Variants in ZNF469 observed in about 807,000 individuals in gnomAD.
ZNF469 encodes zinc finger protein 469.
A neutral mutation model predicts 1.0 loss-of-function variants in ZNF469; 1 was observed. The observed-to-expected ratio is 1.00, with a 90% CI of 0.35 to 4.73. The LOEUF is 4.73. Among genes scored for constraint, ZNF469 ranks in the 30% most tolerant of loss-of-function variants. ZNF469 has a pLI of 0.16. For synonymous variants in ZNF469, 2,703 were observed against 2,363.4 expected (o/e 1.14, Z -4.17); for missense variants, 6,100 against 5,356.3 (o/e 1.14, Z -4.33).
At chr16:88,156,746 TG>T in the ZNF469 span, among the ~76,000 whole-genome samples, 1 of 151,928 alleles carries the variant, frequency 6.6e-6, no homozygotes, top group South Asian at 2.1e-4. Context: ...TGGAGGGACT[TG>T]AGGTGCTGCT....
At chr16:88,355,869 G>A in the ZNF469 span, among the ~76,000 whole-genome samples, 1 of 152,186 alleles carries the variant, frequency 6.6e-6, no homozygotes, top group Non-Finnish European at 1.5e-5. Flanking sequence ...ACTTTGGGGT[G>A]CAGACATGCC....
Position 88,430,294 on chromosome 16 carries a change from G to C in ZNF469, c.2824G>C (p.Gly942Arg). The change falls in exon 3 of 3, where the codon GGC becomes CGC. Residue 942 changes from glycine (G) to arginine (R), a missense_variant. Coordinates refer to ENST00000565624, the MANE Select transcript of ZNF469 (RefSeq NM_001367624.2). ...APTEADAPSQ[G>R]RQQRRGKQLK... is the part of the protein sequence containing the mutation. ...CACCGAGGCGGATGCGCCCAGCCAG[G>C]GCAGGCAGCAGAGGAGGGGGAAGCA... 1 of 1,515,008 alleles carries C rather than the reference G, an allele frequency of 6.6e-7. No homozygotes were observed. Among genetic ancestry groups the C allele is most frequent in the Non-Finnish European group, 8.8e-7 (1 of 1,134,086 alleles). The allele number at this position is 1,515,008 out of a possible 1,614,324, so 93.8% of individuals were successfully genotyped here. A position where few individuals can be genotyped will look rare whatever the true frequency, so the allele number is the denominator to read the frequency against.
the ZNF469 span, among the ~76,000 whole-genome samples, chr16:88,264,752 G>T: frequency 3.0e-3 from 458 of 152,110 alleles, 29 homozygotes; most frequent in South Asian, 0.087. Flanking sequence ...GTCCAGTCCT[G>T]CTCGTCCCAC....
At chr16:88,239,644 C>A in the ZNF469 span, among the ~76,000 whole-genome samples, 2 of 107,536 alleles carry the variant, frequency 1.9e-5, no homozygotes, top group South Asian at 6.8e-4. Flanking sequence ...CCTGCCACCA[C>A]GCCCGGCTTA....
chr16:88,238,865 A>G, the ZNF469 span, among the ~76,000 whole-genome samples: 3,651 of 152,324 alleles, frequency 0.024, 70 homozygotes, highest in Non-Finnish European at 0.04. Flanking sequence ...TGCATACAGA[A>G]CATGCTTCTG....
the ZNF469 span, among the ~76,000 whole-genome samples, chr16:88,338,900 G>T: frequency 1.3e-5 from 2 of 152,128 alleles, no homozygotes; most frequent in Non-Finnish European, 2.9e-5. Flanking sequence ...CAACGCCTTG[G>T]TTTCAGGCTT....
chr16:88,127,231 G>A, the ZNF469 span, among the ~76,000 whole-genome samples: 123,766 of 151,698 alleles, frequency 0.82, 51,153 homozygotes, highest in Middle Eastern at 0.91. Flanking sequence ...AGCGTTGTCC[G>A]CGTCACAGGC....
In ZNF469 at chr16:88,438,593, C is replaced by T; in HGVS notation, c.11123C>T (p.Pro3708Leu). The T allele has an allele frequency of 6.5e-7, 1 of 1,550,042 alleles. No individual in the cohort carries two copies. The highest frequency in any genetic ancestry group is 1.2e-5 in the South Asian group (1 of 84,052). ...AGGAAGGCGGTGGGGAGCCTGGCAC[C>T]CGGGGAGCTGGCCCGTGGCACAGAG... ...HPRKAVGSLA[P>L]GELARGTENG... is the part of the protein sequence containing the mutation. The change falls in exon 3 of 3, where the codon CCC (proline) becomes CTC (leucine). Residue 3708 changes from proline to leucine, a missense_variant. Coordinates refer to ENST00000565624, the MANE Select transcript of ZNF469 (RefSeq NM_001367624.2).
chr16:88,274,839 T>C, the ZNF469 span, among the ~76,000 whole-genome samples: 1 of 152,252 alleles, frequency 6.6e-6, no homozygotes, highest in Non-Finnish European at 1.5e-5. Context: ...AACCTTCTCA[T>C]GGACCTGACA....
At chr16:88,358,280 G>A in the ZNF469 span, among the ~76,000 whole-genome samples, 8 of 152,290 alleles carry the variant, frequency 5.3e-5, no homozygotes, top group Admixed American at 2.0e-4. Context: ...CCACGGCCCC[G>A]CAGCTGGAAG....
the ZNF469 span, among the ~76,000 whole-genome samples, chr16:88,270,570 T>G: frequency 6.6e-6 from 1 of 152,180 alleles, no homozygotes; most frequent in African/African-American, 2.4e-5. Context: ...ACAGTGACAT[T>G]CCATCCGTCT....
chr16:88,223,184 G>A, the ZNF469 span, among the ~76,000 whole-genome samples: 19 of 152,196 alleles, frequency 1.2e-4, no homozygotes, highest in Non-Finnish European at 2.6e-4. Context: ...ATTCCCATGG[G>A]TTGTGGGAGG....
the ZNF469 span, among the ~76,000 whole-genome samples, chr16:88,331,177 TCAC>T: frequency 7.0e-6 from 1 of 143,780 alleles, no homozygotes; most frequent in Non-Finnish European, 1.5e-5. Context: ...ATCATTACCA[TCAC>T]CACCGTCGTC....
the ZNF469 span, among the ~76,000 whole-genome samples, chr16:88,262,622 G>A: frequency 2.6e-5 from 4 of 152,156 alleles, no homozygotes; most frequent in East Asian, 5.8e-4. This position sits in a 1 kb window ranked among gnomAD's most constrained non-coding sequence, Gnocchi z 4.3. Flanking sequence ...CACCACCTGG[G>A]GGGCAGAGGC....
the ZNF469 span, among the ~76,000 whole-genome samples, chr16:88,185,887 C>T: frequency 4.6e-5 from 7 of 152,112 alleles, no homozygotes; most frequent in African/African-American, 2.4e-5. Flanking sequence ...CACACACACA[C>T]TTATGTGCGC....
the ZNF469 span, among the ~76,000 whole-genome samples, chr16:88,143,102 A>C: frequency 1.3e-5 from 2 of 151,850 alleles, no homozygotes; most frequent in Non-Finnish European, 1.5e-5. Flanking sequence ...CCCGGTGAGC[A>C]CTCACCGAAT....
chr16:88,406,903 C>G (rs189638353), intron 1 of ZNF469, among the ~76,000 whole-genome samples: 58 of 152,368 alleles, frequency 3.8e-4, no homozygotes, highest in African/African-American at 1.2e-3. Context: ...GGCTGTTCAG[C>G]ACCCCTCAGG....
Position 88,435,651 on chromosome 16 carries a change from T to C in ZNF469, c.8181T>C (p.Asp2727=), listed in dbSNP as rs1468789356. 4 of 1,550,100 alleles carry C rather than the reference T, an allele frequency of 2.6e-6. No homozygotes were observed. The African/African-American group carries it at 4.1e-5, about 16-fold the overall frequency. Residue 2727 remains aspartate (D), a synonymous_variant, in exon 3 of 3, where the codon GAT becomes GAC. Coordinates refer to ENST00000565624, the MANE Select transcript of ZNF469 (RefSeq NM_001367624.2). ...GETGAQKPPG[D]RMLCPGRMDG... is the part of the protein sequence containing the mutation. ...CTGGGGCCCAGAAGCCACCTGGAGA[T>C]CGGATGCTGTGTCCAGGGAGGATGG... is the stretch of plus-strand genomic sequence containing the variant.
chr16:88,324,623 C>T, the ZNF469 span, among the ~76,000 whole-genome samples: 2 of 152,234 alleles, frequency 1.3e-5, no homozygotes, highest in Non-Finnish European at 2.9e-5. Context: ...GGCTAACCCA[C>T]AGGGAGTGCG....
Sources: gnomAD v4.1 joint callset for allele counts (sites outside exome capture counted in the v4.1 genomes callset) on GRCh38, gnomAD v4.1.1 for gene constraint, Gnocchi (gnomAD v3.1) non-coding constraint, MANE v1.5 for transcripts, NCBI Gene and HGNC (gene_info 2026-07-23, HGNC 2026-07-21) for gene names.